SRGAP1: variants seen among roughly 807,000 people sequenced by gnomAD.
SRGAP1 encodes the protein SLIT-ROBO Rho GTPase activating protein 1.
SRGAP1 carries 43 observed loss-of-function variants against 121.9 expected under a neutral mutation model. The observed-to-expected ratio is 0.35, with a 90% CI of 0.28 to 0.46. The LOEUF is 0.46. SRGAP1 is among the 20% of genes least tolerant of loss of function. The probability of loss-of-function intolerance (pLI) is 1.00; values close to 1 mark genes in which losing one functional copy is unlikely to be tolerated. For synonymous variants in SRGAP1, 447 were observed against 485.4 expected, an observed-to-expected ratio of 0.92 and a Z score of 1.04; for missense variants, 1,102 against 1,350.9, an observed-to-expected ratio of 0.82 and a Z score of 2.89.
intron 4 of SRGAP1, among the ~76,000 whole-genome samples, chr12:64,041,169 A>G (rs2035011557): frequency 6.6e-6 from 1 of 151,596 alleles, no homozygotes; most frequent in Admixed American, 6.6e-5. Context: ...GTTTTTAACA[A>G]TGGGGAATTA....
chr12:64,064,182 A>G (rs553741390), intron 7 of SRGAP1, among the ~76,000 whole-genome samples: 6 of 152,154 alleles, frequency 3.9e-5, no homozygotes, highest in South Asian at 2.1e-4. Flanking sequence ...TAATGGTTTA[A>G]TTGTTTTAAT....
intron 15 of SRGAP1, among the ~76,000 whole-genome samples, chr12:64,105,041 C>T (rs192548223): frequency 3.1e-4 from 47 of 152,220 alleles, no homozygotes; most frequent in African/African-American, 1.1e-3. Flanking sequence ...ACTCGGTACT[C>T]ATCAAACAAT....
intron 2 of SRGAP1, among the ~76,000 whole-genome samples, chr12:63,986,325 G>C (rs934517682): frequency 2.0e-5 from 3 of 152,088 alleles, no homozygotes; most frequent in Admixed American, 1.3e-4. Context: ...AGCGGGGCTG[G>C]GAAGCAGAGG....
At chr12:64,078,467 GAGA>G (rs1322698095) in intron 8 of SRGAP1, among the ~76,000 whole-genome samples, 1 of 152,192 alleles carries the variant, frequency 6.6e-6, no homozygotes, top group African/African-American at 2.4e-5. Flanking sequence ...CCAGTTAATG[GAGA>G]AGGAGAGGGT....
rs763454523 is a variant in SRGAP1, at chr12:64,115,830, G to C, written c.2161G>C (p.Glu721Gln). The C allele has an allele frequency of 1.2e-6, 2 of 1,613,606 alleles. No individual in the cohort carries two copies. The highest frequency in any genetic ancestry group is 2.2e-5 in the South Asian group (2 of 90,986). Residue 721 changes from glutamate to glutamine, a missense_variant, in exon 18 of 22, where the codon GAG becomes CAG. This residue lies in a region of SRGAP1 where 747 missense variants were observed against 929.4 expected (regional missense o/e 0.80). Coordinates refer to ENST00000355086, the MANE Select transcript of SRGAP1 (RefSeq NM_020762.4). ...ATTCTACAGCGACAGCCCATACAGT[G>C]AGCACGGTACATTGGAGGAAGTGGA... ...GDDYCDSPYSEHGTLEEVDQD... is the reference protein window; with the variant it reads ...GDDYCDSPYSQHGTLEEVDQD...
Position 64,125,970 on chromosome 12 carries a change from G to A in SRGAP1, c.2225-7G>A, listed in dbSNP as rs375559876. On this transcript the variant is annotated splice_polypyrimidine_tract_variant and splice_region_variant and intron_variant, in intron 18 of 21. Transcript: ENST00000355086. Reference sequence around the variant, plus strand: ...TTTCTCGCTGTTTTCTGGTGTGTTCGTTGTAGAATGTGAGCCAATAGAAGC... The same window carrying A: ...TTTCTCGCTGTTTTCTGGTGTGTTCATTGTAGAATGTGAGCCAATAGAAGC... 47 of 1,613,272 alleles carry A rather than the reference G, an allele frequency of 2.9e-5. No individual in the cohort carries two copies. The highest frequency in any genetic ancestry group is 1.6e-4 in the East Asian group (7 of 44,872).
At chr12:63,997,347 A>G (rs1340624120) in intron 3 of SRGAP1, among the ~76,000 whole-genome samples, 1 of 152,076 alleles carries the variant, frequency 6.6e-6, no homozygotes, top group Non-Finnish European at 1.5e-5. Flanking sequence ...GATTTGTGTA[A>G]GTACACTCTA....
At position 63,879,262 on chromosome 12, in the gene SRGAP1, G is replaced by C. The variant is rs918108224; in HGVS notation, c.67+34379G>C. 5.2e-5 allele frequency: 8 copies of C among 152,530 alleles called. No individual in the cohort carries two copies. In the South Asian group the frequency reaches 6.2e-4, roughly 12 times the overall value. The allele number at this position is 152,530 out of a possible 1,614,324, so 9.4% of individuals were successfully genotyped here. On this transcript the variant is annotated intron_variant, in intron 1 of 21. Coordinates refer to ENST00000355086, the MANE Select transcript of SRGAP1 (RefSeq NM_020762.4). ...ACCCTTGGGCTCAAGTGATCCTCCA[G>C]CCTTGGCCTTCCGAAGTGTTAGGAT...
chr12:63,963,096 A>G (rs1478840388), intron 1 of SRGAP1, among the ~76,000 whole-genome samples: 1 of 152,216 alleles, frequency 6.6e-6, no homozygotes, highest in Non-Finnish European at 1.5e-5. Context: ...TTCTAAGGGT[A>G]TATGCCGTGG....
intron 3 of SRGAP1, among the ~76,000 whole-genome samples, chr12:64,008,602 G>A (rs753694685): frequency 2.0e-4 from 30 of 152,208 alleles, no homozygotes; most frequent in Non-Finnish European, 2.4e-4. Flanking sequence ...TTGAAGATGC[G>A]TAAATCAGAC....
intron 21 of SRGAP1, among the ~76,000 whole-genome samples, chr12:64,139,051 C>T (rs1233461131): frequency 6.6e-6 from 1 of 152,198 alleles, no homozygotes; most frequent in Non-Finnish European, 1.5e-5. Context: ...AGGTTCTTAA[C>T]AATTTTCACC....
At chr12:63,965,303 G>A (rs571863019) in intron 1 of SRGAP1, among the ~76,000 whole-genome samples, 2 of 152,154 alleles carry the variant, frequency 1.3e-5, no homozygotes, top group African/African-American at 4.8e-5. Flanking sequence ...GTAACCTAGA[G>A]CTTTGCGTAT....
intron 10 of SRGAP1, among the ~76,000 whole-genome samples, chr12:64,085,040 CG>C (rs1020951677): frequency 1.3e-5 from 2 of 152,098 alleles, no homozygotes; most frequent in Non-Finnish European, 2.9e-5. Context: ...AAAAGACTTA[CG>C]TTTTTAAAGG....
At chr12:63,971,005 ACC>A (rs1565975748) in intron 1 of SRGAP1, among the ~76,000 whole-genome samples, 3 of 152,162 alleles carry the variant, frequency 2.0e-5, no homozygotes, top group African/African-American at 7.2e-5. Flanking sequence ...GCCTCTGCCT[ACC>A]TAACCACCCT....
At chr12:64,088,765 G>A (rs1349936649) in intron 11 of SRGAP1, among the ~76,000 whole-genome samples, 1 of 152,114 alleles carries the variant, frequency 6.6e-6, no homozygotes, top group Non-Finnish European at 1.5e-5. Context: ...TGATTTTCAG[G>A]CCTTTCATAG....
At chr12:63,862,006 A>G (rs187296572) in intron 1 of SRGAP1, among the ~76,000 whole-genome samples, 278 of 152,256 alleles carry the variant, frequency 1.8e-3, no homozygotes, top group African/African-American at 6.3e-3. Flanking sequence ...CTGTAATCCC[A>G]GCTACTCAGG....
At chr12:63,892,634 A>G (rs941799160) in intron 1 of SRGAP1, among the ~76,000 whole-genome samples, 2 of 152,170 alleles carry the variant, frequency 1.3e-5, no homozygotes, top group African/African-American at 4.8e-5. Context: ...CAAAACCATG[A>G]TAAGCACCAT....
rs566474668 is a variant in SRGAP1, at chr12:64,091,403, G to A, written c.1539+25G>A. On this transcript the variant is annotated intron_variant, in intron 12 of 21. Coordinates refer to ENST00000355086, the MANE Select transcript of SRGAP1 (RefSeq NM_020762.4). ...GGTACTGGCACCAGCCATCTGGGTG[G>A]CTGATCTCCATGCTTCTTACTATAA... is the stretch of plus-strand genomic sequence containing the variant. The A allele has an allele frequency of 1.9e-5, 29 of 1,553,692 alleles. No homozygotes were observed. The South Asian group carries it at 3.0e-4, about 16-fold the overall frequency.
At position 64,132,241 on chromosome 12, in the gene SRGAP1, C is replaced by T. The variant is rs544255701; in HGVS notation, c.2880+4041C>T. On this transcript the variant is annotated intron_variant, in intron 21 of 21. Coordinates refer to ENST00000355086, the MANE Select transcript of SRGAP1 (RefSeq NM_020762.4). ...CTTGCTCCAAAATCCTAGAGGCCTC[C>T]GCTGTGATTCACCTATGGGGGCCTG... Among the ~76,000 whole-genome samples the T allele has an allele frequency of 9.8e-5, 15 of 152,310 alleles. No homozygotes were observed. The East Asian group carries it at 2.1e-3, about 22-fold the overall frequency.
Sources: allele counts gnomAD v4.1 joint callset (sites outside exome capture counted in the v4.1 genomes callset), GRCh38; gene constraint gnomAD v4.1.1; regional missense constraint gnomAD v4.1.1; transcripts MANE v1.5; gene names NCBI Gene and HGNC (gene_info 2026-07-23, HGNC 2026-07-21).